DOCK5: variants seen among roughly 807,000 people sequenced by gnomAD.
DOCK5 encodes the protein dedicator of cytokinesis protein 5.
A neutral mutation model predicts 251.8 loss-of-function variants in DOCK5; 142 were observed. The observed-to-expected ratio is 0.56, with a 90% confidence interval of 0.49 to 0.65. DOCK5 has a LOEUF of 0.65. DOCK5 is among the 30% of genes least tolerant of loss of function. The probability of loss-of-function intolerance (pLI) is 0.00; values close to 1 mark genes in which losing one functional copy is unlikely to be tolerated. For synonymous variants in DOCK5, 842 were observed against 835.5 expected (o/e 1.01, Z -0.13); for missense variants, 2,111 against 2,312.3 (o/e 0.91, Z 1.79).
chr8:25,224,594 G>A (rs1024318077), intron 1 of DOCK5, among the ~76,000 whole-genome samples: 1 of 152,210 alleles, frequency 6.6e-6, no homozygotes, highest in East Asian at 1.9e-4. Flanking sequence ...AACTAGGGGA[G>A]AGAAACTTTC....
intron 26 of DOCK5, chr8:25,351,441 A>G (rs1159170247): frequency 2.3e-5 from 8 of 342,612 alleles, no homozygotes; most frequent in Non-Finnish European, 3.8e-5. Context: ...TTGTTGAGTC[A>G]GTGGCCACAG....
intron 25 of DOCK5, among the ~76,000 whole-genome samples, chr8:25,344,711 A>G (rs1022014160): frequency 1.3e-5 from 2 of 152,238 alleles, no homozygotes; most frequent in African/African-American, 4.8e-5. Context: ...GAATGCTCAT[A>G]AGTAGAAAAC....
At chr8:25,280,606 A>G (rs1222981277) in intron 5 of DOCK5, among the ~76,000 whole-genome samples, 1 of 152,218 alleles carries the variant, frequency 6.6e-6, no homozygotes, top group Non-Finnish European at 1.5e-5. Flanking sequence ...ATAGCAATCT[A>G]TAACGTTTCC....
At chr8:25,344,044 G>T (rs990281148) in intron 25 of DOCK5, among the ~76,000 whole-genome samples, 3 of 152,148 alleles carry the variant, frequency 2.0e-5, no homozygotes, top group Admixed American at 6.6e-5. Flanking sequence ...CTGACCTCAG[G>T]TGATCCACCC....
intron 40 of DOCK5, among the ~76,000 whole-genome samples, chr8:25,386,468 A>G (rs35139627): frequency 0.017 from 2,526 of 152,236 alleles, 46 homozygotes; most frequent in Middle Eastern, 0.051. Context: ...GCATGGTAGC[A>G]TGTGCTATGG....
At chr8:25,266,500 C>T (rs938180703) in intron 2 of DOCK5, among the ~76,000 whole-genome samples, 2 of 151,938 alleles carry the variant, frequency 1.3e-5, no homozygotes, top group African/African-American at 2.4e-5. Context: ...CAGCATTATG[C>T]CTTCTTAAGT....
chr8:25,394,736 C>T (rs1801317126), intron 44 of DOCK5, among the ~76,000 whole-genome samples: 1 of 152,142 alleles, frequency 6.6e-6, no homozygotes, highest in African/African-American at 2.4e-5. Context: ...TTTCTGTAGA[C>T]ATTTTGTCCA....
intron 22 of DOCK5, 139 bp downstream of exon 22, chr8:25,336,512 G>T: frequency 8.5e-7 from 1 of 1,181,308 alleles, no homozygotes; most frequent in Non-Finnish European, 1.2e-6. Flanking sequence ...CAGGGCTGAA[G>T]ATGGATTTGG....
rs1351746670 is a variant in DOCK5, at chr8:25,414,059, A to G, written c.*2761A>G. 6.6e-6 allele frequency: 1 copy of G among 152,240 alleles called. No homozygotes were observed. The highest frequency in any genetic ancestry group is 1.9e-4 in the East Asian group (1 of 5,206). The allele number at this position is 152,240 out of a possible 1,614,324, so 9.4% of individuals were successfully genotyped here. ...ATTGAAAGACATTGAAATTATCCCT[A>G]AAATTGTCACAACTTTTGTGAATAC... On this transcript the variant is annotated 3_prime_UTR_variant, in exon 52 of 52. Coordinates refer to ENST00000276440, the MANE Select transcript of DOCK5 (RefSeq NM_024940.8).
intron 11 of DOCK5, chr8:25,304,990 G>C (rs1480687133): frequency 6.6e-6 from 1 of 152,630 alleles, no homozygotes; most frequent in Non-Finnish European, 1.5e-5. Flanking sequence ...CCATTGAGGA[G>C]CTGTTGGGAG....
intron 16 of DOCK5, 37 bp from the exon 17 acceptor site, chr8:25,323,811 C>G (rs761777882): frequency 7.5e-6 from 12 of 1,598,572 alleles, no homozygotes; most frequent in Non-Finnish European, 9.4e-6. Context: ...CCTGGTGTCT[C>G]TCTGCACTGC....
intron 16 of DOCK5, among the ~76,000 whole-genome samples, chr8:25,321,506 G>C (rs1019767925): frequency 6.6e-6 from 1 of 152,096 alleles, no homozygotes; most frequent in Non-Finnish European, 1.5e-5. Flanking sequence ...TTCCTGCAAC[G>C]AGACAGTTCA....
intron 1 of DOCK5, among the ~76,000 whole-genome samples, chr8:25,192,036 C>A (rs374724199): frequency 1.3e-5 from 2 of 151,362 alleles, no homozygotes; most frequent in Admixed American, 6.6e-5. Context: ...TTTGTCCTTG[C>A]GATAGTTTGC....
chr8:25,368,261 A>G lies in DOCK5; in HGVS notation c.3283+11A>G. ...TGTGGTATAACCTGGGTGAGTGTCTAGCCTTGAACAGGCCTGATCACAACC... is the reference window on the plus strand; with the variant it reads ...TGTGGTATAACCTGGGTGAGTGTCTGGCCTTGAACAGGCCTGATCACAACC... On this transcript the variant is annotated intron_variant, in intron 32 of 51. Coordinates refer to ENST00000276440, the MANE Select transcript of DOCK5 (RefSeq NM_024940.8). 2.5e-6 allele frequency: 4 copies of G among 1,610,034 alleles called. No individual in the cohort carries two copies. The highest frequency in any genetic ancestry group is 3.4e-6 in the Non-Finnish European group (4 of 1,177,652).
At chr8:25,187,195 G>T (rs1250931034) in intron 1 of DOCK5, among the ~76,000 whole-genome samples, 1 of 143,870 alleles carries the variant, frequency 7.0e-6, no homozygotes, top group Admixed American at 7.1e-5. Context: ...TGTGAGACCC[G>T]ATCTCAAAAA....
At chr8:25,281,657 G>A (rs370527384) in intron 5 of DOCK5, among the ~76,000 whole-genome samples, 1 of 151,678 alleles carries the variant, frequency 6.6e-6, no homozygotes, top group Non-Finnish European at 1.5e-5. Context: ...GAGGTGGGCG[G>A]ATCACAAGGA....
chr8:25,264,587 A>G (rs1398221868), intron 2 of DOCK5, among the ~76,000 whole-genome samples: 1 of 151,834 alleles, frequency 6.6e-6, no homozygotes, highest in Admixed American at 6.6e-5. Context: ...GCACTTTGGG[A>G]GGCCGAGGCT....
At chr8:25,332,713 A>G in intron 20 of DOCK5, 21 bp downstream of exon 20, 1 of 1,570,916 alleles carries the variant, frequency 6.4e-7, no homozygotes. Flanking sequence ...AAACATATTA[A>G]CTAGTGTTTA....
At chr8:25,301,598 C>G (rs184278007) in intron 9 of DOCK5, among the ~76,000 whole-genome samples, 4 of 151,746 alleles carry the variant, frequency 2.6e-5, no homozygotes, top group Non-Finnish European at 5.9e-5. Flanking sequence ...GGCGCGGTGG[C>G]TCATGTCTGT....
Sources: gnomAD v4.1 joint callset for allele counts (sites outside exome capture counted in the v4.1 genomes callset) on GRCh38, gnomAD v4.1.1 for gene constraint, MANE v1.5 for transcripts, NCBI Gene and HGNC (gene_info 2026-07-23, HGNC 2026-07-21) for gene names.